ROS1: variants seen among roughly 807,000 people sequenced by gnomAD.
ROS1 encodes the protein ROS proto-oncogene 1, receptor tyrosine kinase.
Under a neutral mutation model 273.5 loss-of-function variants are expected in ROS1, and 263 were observed. That is an observed-to-expected ratio of 0.96 (90% CI 0.87 to 1.06). ROS1 has a LOEUF of 1.06. ROS1 is among the 50% of genes least tolerant of loss of function. The pLI is 0.00. For synonymous variants in ROS1, 1,008 were observed against 954.1 expected (o/e 1.06, Z -1.04); for missense variants, 2,833 against 2,751.1 (o/e 1.03, Z -0.67).
chr6:117,357,316 CT>C (rs1225885367), intron 25 of ROS1, among the ~76,000 whole-genome samples: 1 of 152,162 alleles, frequency 6.6e-6, no homozygotes, highest in Non-Finnish European at 1.5e-5. Flanking sequence ...TATCCCCATG[CT>C]TATGGCCCAA....
At chr6:117,296,341 C>T (rs1774241809) in intron 43 of ROS1, among the ~76,000 whole-genome samples, 1 of 151,412 alleles carries the variant, frequency 6.6e-6, no homozygotes, top group Non-Finnish European at 1.5e-5. Flanking sequence ...GGGGAGGTTG[C>T]AGTGAGCCGA....
intron 6 of ROS1, among the ~76,000 whole-genome samples, chr6:117,403,699 C>T (rs576348741): frequency 1.3e-5 from 2 of 152,036 alleles, no homozygotes; most frequent in African/African-American, 4.8e-5. Context: ...CTGTGATGGG[C>T]AGATAATGAC....
chr6:117,424,720 T>A (rs1776012074), intron 1 of ROS1, among the ~76,000 whole-genome samples: 1 of 152,146 alleles, frequency 6.6e-6, no homozygotes, highest in African/African-American at 2.4e-5. Context: ...AAGTTTCTTT[T>A]TAATCTGCCA....
rs960721598 is a variant in ROS1, at chr6:117,421,627, G to T, written c.124-3121C>A. ...TTTTTATGGCTGAGTAGTATTCCATGGTGTATATATATCACATTTTTTTAT... is the reference window on the plus strand; with the variant it reads ...TTTTTATGGCTGAGTAGTATTCCATTGTGTATATATATCACATTTTTTTAT... On this transcript the variant is annotated intron_variant, in intron 1 of 43. Coordinates refer to ENST00000368507, the MANE Select transcript of ROS1 (RefSeq NM_001378902.1). 4.0e-4 allele frequency among the ~76,000 whole-genome samples: 61 copies of T among 152,008 alleles called. 3 individuals carry two copies. The highest frequency in any genetic ancestry group is 5.9e-5 in the Non-Finnish European group (4 of 67,998).
chr6:117,342,526 C>G lies in ROS1; in HGVS notation c.4525G>C (p.Ala1509Pro), dbSNP rs1778028168. ...YRILEFQDSI[A>P]LIEDLQPFST... ...AATGGTTGTAAATCTTCAATAAGAG[C>G]TATACTGTCCTGAAATTCCTGTAAT... The change falls in exon 29 of 44, where the codon GCT becomes CCT. Residue 1509 changes from alanine (A) to proline (P), a missense_variant. By Grantham distance (27) the Ala-to-Pro change is conservative (BLOSUM62 -1). Transcript: ENST00000368507. 2 of 1,537,968 alleles carry G rather than the reference C, an allele frequency of 1.3e-6. No homozygotes were observed. Among genetic ancestry groups the G allele is most frequent in the Non-Finnish European group, 1.8e-6 (2 of 1,139,772 alleles).
In ROS1 at chr6:117,353,158, G is replaced by C; in HGVS notation, c.4135C>G (p.Leu1379Val). The C allele has an allele frequency of 1.2e-6, 2 of 1,601,492 alleles. No homozygotes were observed. The highest frequency in any genetic ancestry group is 4.5e-5 in the East Asian group (2 of 44,476). The change falls in exon 27 of 44, where the codon CTT becomes GTT. Residue 1379 changes from leucine to valine, a missense_variant. Coordinates refer to ENST00000368507, the MANE Select transcript of ROS1 (RefSeq NM_001378902.1). Reference protein sequence around the residue: ...ITVPAMLGKTLVSLTVDGDLI... With the variant: ...ITVPAMLGKTVVSLTVDGDLI... ...TCTCCATCCACAGTTAAGCTAACAA[G>C]GGTTTTTCCTGCTGTTAAAAACATA...
chr6:117,340,939 A>G (rs888202364), intron 31 of ROS1, among the ~76,000 whole-genome samples, 196 bp downstream of exon 31: 3 of 152,174 alleles, frequency 2.0e-5, no homozygotes, highest in African/African-American at 7.2e-5. Context: ...GCCTTTTAAA[A>G]GCAAATTAAT....
chr6:117,374,979 A>C (rs1375314098), intron 18 of ROS1, among the ~76,000 whole-genome samples: 1 of 152,264 alleles, frequency 6.6e-6, no homozygotes, highest in Non-Finnish European at 1.5e-5. Context: ...AAGTCATTAT[A>C]CAAAAAAGAT....
intron 39 of ROS1, among the ~76,000 whole-genome samples, chr6:117,311,490 G>A (rs1162260515): frequency 6.6e-6 from 1 of 152,044 alleles, no homozygotes; most frequent in Admixed American, 6.6e-5. Context: ...TGTAAAATGG[G>A]CAATAATACT....
chr6:117,366,093 G>A lies in ROS1; in HGVS notation c.2780C>T (p.Ser927Phe). The change falls in exon 19 of 44, where the codon TCC (serine) becomes TTC (phenylalanine). Residue 927 changes from serine (S) to phenylalanine (F), a missense_variant. Physicochemically the swap from Ser to Phe is radical, Grantham distance 155 (BLOSUM62 -2). Transcript: ENST00000368507. ...RFNQFTIIQT[S>F]LKPLPGNFSF... ...TACTGTACCTGGCAGGGGCTTAAGG[G>A]ATGTCTGAATAATTGTGAACTGATT... The A allele has an allele frequency of 1.9e-6, 3 of 1,613,576 alleles. No homozygotes were observed. The highest frequency in any genetic ancestry group is 2.5e-6 in the Non-Finnish European group (3 of 1,179,476).
chr6:117,303,600 G>A (rs1246649940), intron 42 of ROS1, among the ~76,000 whole-genome samples: 2 of 152,092 alleles, frequency 1.3e-5, no homozygotes, highest in Non-Finnish European at 2.9e-5. Flanking sequence ...ATCAGAGGAG[G>A]GAAGCGAGAT....
chr6:117,353,465 C>T (rs375934712), intron 26 of ROS1, among the ~76,000 whole-genome samples: 12 of 152,272 alleles, frequency 7.9e-5, no homozygotes, highest in Middle Eastern at 6.8e-3. Flanking sequence ...AGGGCAGACC[C>T]AGGATTTAAA....
chr6:117,288,501 C>A lies in ROS1; in HGVS notation c.7017G>T (p.Gly2339=), dbSNP rs773171167. The change falls in exon 44 of 44, where the codon GGG becomes GGT. Residue 2339 remains glycine (G), a synonymous_variant. Transcript: ENST00000368507. ...TTCCCAAACAACGCTATTAATCAGA[C>A]CCATCTCCATATCCACTGTGAGTGA... The part of the protein sequence containing the change: ...ACLTHSGYGD[G]SD The A allele has an allele frequency of 1.9e-6, 3 of 1,612,182 alleles. No individual in the cohort carries two copies. Among genetic ancestry groups the A allele is most frequent in the Non-Finnish European group, 2.5e-6 (3 of 1,179,362 alleles).
At chr6:117,418,876 G>T (rs561241412) in intron 1 of ROS1, among the ~76,000 whole-genome samples, 3 of 152,122 alleles carry the variant, frequency 2.0e-5, no homozygotes, top group African/African-American at 7.2e-5. Flanking sequence ...TAAGAGCAGG[G>T]AGAAAATGCA....
chr6:117,418,559 T>G, intron 1 of ROS1, 53 bp from the exon 2 acceptor site: 2 of 1,325,984 alleles, frequency 1.5e-6, no homozygotes, highest in Non-Finnish European at 2.1e-6. Context: ...GGGTTCCGTG[T>G]AACTAACACA....
intron 43 of ROS1, among the ~76,000 whole-genome samples, chr6:117,293,834 C>A (rs1486243022): frequency 2.6e-5 from 4 of 151,852 alleles, no homozygotes; most frequent in Non-Finnish European, 5.9e-5. Context: ...AAAATTTGAG[C>A]CTTATTTGTT....
chr6:117,390,343 T>C, intron 12 of ROS1, among the ~76,000 whole-genome samples: 1 of 152,066 alleles, frequency 6.6e-6, no homozygotes, highest in East Asian at 1.9e-4. Flanking sequence ...CCCAAGCTAG[T>C]CCTGAACTCC....
chr6:117,402,767 A>G (rs1003366691), intron 7 of ROS1, among the ~76,000 whole-genome samples: 8 of 151,834 alleles, frequency 5.3e-5, no homozygotes, highest in Non-Finnish European at 8.8e-5. Context: ...TGCATGCCTG[A>G]GTCCCAGCTG....
intron 14 of ROS1, among the ~76,000 whole-genome samples, 192 bp from the exon 15 acceptor site, chr6:117,387,191 A>T (rs953714048): frequency 1.3e-5 from 2 of 152,240 alleles, no homozygotes; most frequent in African/African-American, 4.8e-5. Flanking sequence ...CCCATTAAAC[A>T]TACTTTCTGA....
Sources: allele counts gnomAD v4.1 joint callset (sites outside exome capture counted in the v4.1 genomes callset), GRCh38; gene constraint gnomAD v4.1.1; transcripts MANE v1.5; gene names NCBI Gene and HGNC (gene_info 2026-07-23, HGNC 2026-07-21).